ATP13A5: variants seen among roughly 807,000 people sequenced by gnomAD.
The protein encoded by ATP13A5 is probable cation-transporting ATPase 13A5.
A neutral mutation model predicts 150.2 loss-of-function variants in ATP13A5; 149 were observed. The observed-to-expected ratio is 0.99, with a 90% confidence interval of 0.87 to 1.14. The LOEUF is 1.14. Ranked by LOEUF, ATP13A5 falls within the 50% of genes most tolerant of loss-of-function variation. The pLI is 0.00. For missense variants in ATP13A5, 1,383 were observed against 1,449.3 expected, an observed-to-expected ratio of 0.95 and a Z score of 0.74; for synonymous variants, 497 against 522.2, an observed-to-expected ratio of 0.95 and a Z score of 0.66.
chr3:193,362,329 A>T (rs1713043121), intron 5 of ATP13A5, 52 bp downstream of exon 5: 1 of 1,475,416 alleles, frequency 6.8e-7, no homozygotes, highest in East Asian at 2.3e-5. Context: ...CTGATTTGAT[A>T]CTTCATTTTC....
At position 193,300,719 on chromosome 3, in the gene ATP13A5, C is replaced by T. The variant is rs531061231; in HGVS notation, c.2775+492G>A. On this transcript the variant is annotated intron_variant, in intron 24 of 29. Coordinates refer to ENST00000342358, the MANE Select transcript of ATP13A5 (RefSeq NM_198505.4). ...GTCTTTTTTAGTTTCAAAGAATTTC[C>T]GATTCTTTACTAATGATATCCCTGA... is the stretch of plus-strand genomic sequence containing the variant. Among the ~76,000 whole-genome samples the T allele has an allele frequency of 9.9e-5, 15 of 152,132 alleles. No individual in the cohort carries two copies. The East Asian group carries it at 2.5e-3, about 25-fold the overall frequency.
At chr3:193,299,037 G>T (rs1320125855) in intron 25 of ATP13A5, 94 bp downstream of exon 25, 8 of 948,540 alleles carry the variant, frequency 8.4e-6, no homozygotes, top group South Asian at 4.8e-5. Context: ...GGAAATAAGG[G>T]TGCCTCTTTC....
chr3:193,326,673 G>A (rs1231439853), intron 13 of ATP13A5, among the ~76,000 whole-genome samples: 2 of 152,128 alleles, frequency 1.3e-5, no homozygotes, highest in Non-Finnish European at 2.9e-5. Context: ...CCACCTGCCT[G>A]CGCTAGCCAC....
intron 25 of ATP13A5, among the ~76,000 whole-genome samples, chr3:193,295,927 G>C (rs532312681): frequency 1.3e-5 from 2 of 152,172 alleles, no homozygotes; most frequent in Non-Finnish European, 2.9e-5. Context: ...GAAGTCATAA[G>C]AGCCACTGTT....
At chr3:193,376,465 G>T (rs148654197) in intron 1 of ATP13A5, among the ~76,000 whole-genome samples, 1,705 of 152,238 alleles carry the variant, frequency 0.011, 34 homozygotes, top group African/African-American at 0.039. Flanking sequence ...TCCCACCTTA[G>T]CCTCCCAAAG....
chr3:193,314,193 C>T lies in ATP13A5; in HGVS notation c.2159G>A (p.Gly720Asp). Residue 720 changes from glycine (G) to aspartate (D), a missense_variant and splice_region_variant, in exon 19 of 30, where the codon GGT becomes GAT. By Grantham distance (94) the Gly-to-Asp change is moderately conservative. Around this residue, in one of 3 missense-constraint regions of ATP13A5, gnomAD observed 568 missense variants for 621.5 expected, o/e 0.91. Coordinates refer to ENST00000342358, the MANE Select transcript of ATP13A5 (RefSeq NM_198505.4). ...EARIRTVMIT[G>D]DNLQTAITVA... ...AGTAATGGCCGTTTGAAGGTTATCA[C>T]CTAGAAGACAAAGAAACTTTGCTTG... 6.2e-7 allele frequency: 1 copy of T among 1,613,090 alleles called. No homozygotes were observed. Among genetic ancestry groups the T allele is most frequent in the South Asian group, 1.1e-5 (1 of 90,948 alleles).
chr3:193,374,458 C>T (rs142044487), intron 1 of ATP13A5, among the ~76,000 whole-genome samples: 10 of 152,152 alleles, frequency 6.6e-5, no homozygotes, highest in South Asian at 4.2e-4. Context: ...GCCTGGAAAA[C>T]GTAGGGAGAC....
chr3:193,285,317 T>G (rs1717675624), intron 26 of ATP13A5, among the ~76,000 whole-genome samples: 1 of 152,220 alleles, frequency 6.6e-6, no homozygotes, highest in East Asian at 1.9e-4. Flanking sequence ...TGTCTGGCAC[T>G]CCGTTTAGAA....
chr3:193,351,502 TAAAC>T (rs1482765203), intron 6 of ATP13A5, among the ~76,000 whole-genome samples: 9 of 152,210 alleles, frequency 5.9e-5, no homozygotes, highest in Non-Finnish European at 1.3e-4. Context: ...TTCACCTTCT[TAAAC>T]AGACTGACTC....
In ATP13A5 at chr3:193,335,440, C is replaced by T. The variant is rs865951787; in HGVS notation, c.944-341G>A. ...TATTTTAGGCAATGAAGGAGCTTTC[C>T]AGCACGTGAATAGTAATTACTATTT... On this transcript the variant is annotated intron_variant, in intron 9 of 29. Transcript: ENST00000342358. Among the ~76,000 whole-genome samples, 6 of 152,178 alleles carry T rather than the reference C, an allele frequency of 3.9e-5. 1 individual carries two copies. Among genetic ancestry groups the T allele is most frequent in the African/African-American group, 1.4e-4 (6 of 41,446 alleles).
intron 24 of ATP13A5, 129 bp from the exon 25 acceptor site, chr3:193,299,332 A>T: frequency 3.2e-6 from 2 of 625,432 alleles, no homozygotes; most frequent in Non-Finnish European, 5.4e-6. Flanking sequence ...GAAGAAAATG[A>T]CTAACCTAAA....
chr3:193,345,210 C>T (rs1255241673), intron 7 of ATP13A5, 135 bp from the exon 8 acceptor site: 6 of 764,442 alleles, frequency 7.8e-6, no homozygotes, highest in African/African-American at 1.7e-5. Context: ...TCTTTTGATG[C>T]TTCAGCTTCC....
Position 193,345,022 on chromosome 3 carries a change from T to G in ATP13A5, c.795A>C (p.Thr265=). 3 of 1,613,746 alleles carry G rather than the reference T, an allele frequency of 1.9e-6. No individual in the cohort carries two copies. The highest frequency in any genetic ancestry group is 2.5e-6 in the Non-Finnish European group (3 of 1,179,696). ...LVEDHNKVQV[T]IIVKDKGLEE... ...ACTTACCTTTGTCTTTTACAATGAT[T>G]GTAACCTGGACTTTGTTGTGGTCCT... Residue 265 remains threonine (T), a synonymous_variant, in exon 8 of 30, where the codon ACA becomes ACC. Coordinates refer to ENST00000342358, the MANE Select transcript of ATP13A5 (RefSeq NM_198505.4).
At chr3:193,361,231 G>A (rs568629461) in intron 5 of ATP13A5, among the ~76,000 whole-genome samples, 20 of 152,210 alleles carry the variant, frequency 1.3e-4, no homozygotes, top group African/African-American at 4.1e-4. Context: ...AATGTTTTGA[G>A]CATTACATCT....
At chr3:193,335,124 A>T in intron 9 of ATP13A5, 25 bp from the exon 10 acceptor site, 3 of 1,610,826 alleles carry the variant, frequency 1.9e-6, no homozygotes, top group Non-Finnish European at 1.7e-6. Flanking sequence ...ATTTTGTTGA[A>T]TCTATGTAAG....
intron 17 of ATP13A5, among the ~76,000 whole-genome samples, chr3:193,316,642 C>T (rs187730970): frequency 3.9e-4 from 59 of 152,022 alleles, no homozygotes; most frequent in African/African-American, 1.3e-3. Flanking sequence ...CTATTCAGGG[C>T]CTTTGTTCAT....
At chr3:193,317,728 G>C (rs994247083) in intron 17 of ATP13A5, among the ~76,000 whole-genome samples, 1 of 152,076 alleles carries the variant, frequency 6.6e-6, no homozygotes, top group Admixed American at 6.6e-5. Flanking sequence ...ATAAGTTCCT[G>C]ATATTCCCCA....
chr3:193,371,689 A>G (rs1713447227), intron 1 of ATP13A5, among the ~76,000 whole-genome samples: 1 of 152,136 alleles, frequency 6.6e-6, no homozygotes, highest in East Asian at 1.9e-4. Context: ...GGCATCTTCC[A>G]TCTTCAAAAA....
rs1282071096 is a variant in ATP13A5, at chr3:193,317,176, C to G, written c.2033+1815G>C. Among the ~76,000 whole-genome samples the G allele has an allele frequency of 2.0e-5, 3 of 152,180 alleles. No homozygotes were observed. In the East Asian group the frequency reaches 5.8e-4, roughly 29 times the overall value. On this transcript the variant is annotated intron_variant, in intron 17 of 29. Coordinates refer to ENST00000342358, the MANE Select transcript of ATP13A5 (RefSeq NM_198505.4). ...CCTGCAATGCTCTTCCTCTGGATATCTGCGTGTCTTTCTCTCTTATTTTAT... is the reference window on the plus strand; with the variant it reads ...CCTGCAATGCTCTTCCTCTGGATATGTGCGTGTCTTTCTCTCTTATTTTAT...
Sources: gnomAD v4.1 joint callset for allele counts (sites outside exome capture counted in the v4.1 genomes callset) on GRCh38, gnomAD v4.1.1 for gene constraint, gnomAD v4.1.1 regional missense constraint, MANE v1.5 for transcripts, NCBI Gene and HGNC (gene_info 2026-07-23, HGNC 2026-07-21) for gene names.